The following ASXL2 variants were observed in gnomAD, a reference collection of about 807,000 sequenced individuals.
ASXL2 encodes putative Polycomb group protein ASXL2.
In ASXL2, 23 loss-of-function variants were observed where a neutral mutation model predicts 122.0. The observed-to-expected ratio is 0.19, with a 90% CI of 0.14 to 0.27. The LOEUF is 0.27. ASXL2 is among the 10% of genes least tolerant of loss of function. ASXL2 has a pLI of 1.00. For synonymous variants in ASXL2, 650 were observed against 637.0 expected (o/e 1.02, Z -0.31); for missense variants, 1,518 against 1,713.8 (o/e 0.89, Z 2.02).
At position 25,743,327 on chromosome 2, in the gene ASXL2, T is replaced by C. The variant is rs767005380; in HGVS notation, c.3010A>G (p.Arg1004Gly). 1.9e-6 allele frequency: 3 copies of C among 1,613,854 alleles called. No individual in the cohort carries two copies. The highest frequency in any genetic ancestry group is 2.2e-5 in the South Asian group (2 of 91,086). Residue 1004 changes from arginine to glycine, a missense_variant, in exon 13 of 13, where the codon AGA (arginine) becomes GGA (glycine). Around this residue, in one of 8 missense-constraint regions of ASXL2, gnomAD observed 831 missense variants for 833.1 expected, o/e 1.00. Coordinates refer to ENST00000435504, the MANE Select transcript of ASXL2 (RefSeq NM_018263.6). ...IATNTTENST[R>G]EEVNERQSHP... is the part of the protein sequence containing the mutation. ...GACTGTCTCTCATTAACTTCCTCTC[T>C]GGTGCTATTTTCTGTTGTGTTGGTA...
At position 25,743,033 on chromosome 2, in the gene ASXL2, T is replaced by G. The variant is rs757897641; in HGVS notation, c.3304A>C (p.Thr1102Pro). ...HSGFQLEDIS[T>P]SQRFMLGFAG... is the part of the protein sequence containing the mutation. ...AAACCCAGCATGAACCTCTGGCTTG[T>G]GGAGATGTCTTCCAGCTGGAAACCT... Residue 1102 changes from threonine to proline, a missense_variant, in exon 13 of 13, where the codon ACA (threonine) becomes CCA (proline). Coordinates refer to ENST00000435504, the MANE Select transcript of ASXL2 (RefSeq NM_018263.6). The G allele has an allele frequency of 6.2e-7, 1 of 1,613,962 alleles. No homozygotes were observed. Among genetic ancestry groups the G allele is most frequent in the East Asian group, 2.2e-5 (1 of 44,884 alleles).
chr2:25,856,772 A>G, intron 1 of ASXL2: 1 of 1,286,268 alleles, frequency 7.8e-7, no homozygotes, highest in Non-Finnish European at 1.1e-6. Flanking sequence ...CCTTCTTCTC[A>G]AAGGACTGGG....
intron 1 of ASXL2, among the ~76,000 whole-genome samples, chr2:25,875,915 T>C (rs1276864895): frequency 1.3e-5 from 2 of 152,250 alleles, no homozygotes; most frequent in Non-Finnish European, 2.9e-5. Flanking sequence ...TTCATTATTC[T>C]ACAGTCTGAA....
intron 2 of ASXL2, among the ~76,000 whole-genome samples, chr2:25,838,674 T>C (rs942776030): frequency 2.6e-5 from 4 of 152,198 alleles, no homozygotes; most frequent in African/African-American, 9.7e-5. Flanking sequence ...TGCTCTTTGT[T>C]TCTCTGCAAA....
intron 1 of ASXL2, chr2:25,856,648 C>T (rs989830776): frequency 1.2e-5 from 15 of 1,259,388 alleles, no homozygotes; most frequent in Middle Eastern, 1.9e-4. Context: ...TCAGTCTCCC[C>T]AGAGTGGTGG....
At chr2:25,759,676 TC>T in intron 8 of ASXL2, 31 bp from the exon 9 acceptor site, 1 of 1,591,478 alleles carries the variant, frequency 6.3e-7, no homozygotes, top group Non-Finnish European at 8.6e-7. Context: ...CGTTTGGGCC[TC>T]CCTCACAAGT....
At chr2:25,805,715 G>A (rs1435367943) in intron 4 of ASXL2, among the ~76,000 whole-genome samples, 10 of 151,608 alleles carry the variant, frequency 6.6e-5, no homozygotes, top group East Asian at 1.9e-4. Context: ...TCACTCTGTC[G>A]CCCAGGCTGG....
intron 3 of ASXL2, among the ~76,000 whole-genome samples, chr2:25,826,828 G>A (rs528755468): frequency 2.1e-5 from 3 of 143,710 alleles, no homozygotes; most frequent in South Asian, 2.2e-4. Context: ...ACTTCAAGTC[G>A]ATTTTATTTT....
intron 9 of ASXL2, among the ~76,000 whole-genome samples, chr2:25,757,832 T>C (rs2088164481): frequency 6.6e-6 from 1 of 151,634 alleles, no homozygotes; most frequent in East Asian, 1.9e-4. Context: ...CAAAAGATAG[T>C]TCTGAGGAAC....
At chr2:25,780,923 T>C (rs1316194135) in intron 5 of ASXL2, among the ~76,000 whole-genome samples, 1 of 151,718 alleles carries the variant, frequency 6.6e-6, no homozygotes, top group East Asian at 1.9e-4. Context: ...CCGTCTCTAC[T>C]AAAAATACAA....
intron 2 of ASXL2, among the ~76,000 whole-genome samples, chr2:25,843,538 A>G (rs774653207): frequency 5.9e-5 from 9 of 152,164 alleles, no homozygotes; most frequent in South Asian, 4.1e-4. Context: ...TTACTTTTTC[A>G]TACCAATGAA....
intron 4 of ASXL2, among the ~76,000 whole-genome samples, chr2:25,800,694 T>C (rs1234531834): frequency 6.6e-6 from 1 of 152,158 alleles, no homozygotes; most frequent in East Asian, 1.9e-4. Flanking sequence ...CCTCTCCTAA[T>C]TGTGCAGTTA....
intron 2 of ASXL2, among the ~76,000 whole-genome samples, chr2:25,842,790 GTGTA>G (rs372421341): frequency 0.31 from 34,473 of 111,974 alleles, 4,009 homozygotes; most frequent in African/African-American, 0.35. Flanking sequence ...GTGTGTGTGT[GTGTA>G]TATATATATA....
At chr2:25,825,916 GA>G (rs1038828340) in intron 3 of ASXL2, among the ~76,000 whole-genome samples, 5 of 152,272 alleles carry the variant, frequency 3.3e-5, no homozygotes, top group Admixed American at 6.5e-5. Flanking sequence ...ACAAAAATCA[GA>G]TAAGATATCG....
chr2:25,866,899 AT>A (rs888834950), intron 1 of ASXL2, among the ~76,000 whole-genome samples: 4 of 146,410 alleles, frequency 2.7e-5, no homozygotes, highest in Admixed American at 6.8e-5. Context: ...CGTCCAGCTA[AT>A]TTTTTTTTTA....
chr2:25,790,330 G>A (rs1405924999), intron 5 of ASXL2, among the ~76,000 whole-genome samples: 2 of 139,466 alleles, frequency 1.4e-5, no homozygotes, highest in Admixed American at 1.5e-4. Context: ...GTGGGGGTGG[G>A]GGGGGTGTGA....
intron 5 of ASXL2, among the ~76,000 whole-genome samples, chr2:25,790,425 A>G (rs1295279380): frequency 6.6e-6 from 1 of 151,544 alleles, no homozygotes. Context: ...CTTGGTTAAA[A>G]AAAAACATAA....
chr2:25,798,462 TA>T (rs1268775222), intron 5 of ASXL2, among the ~76,000 whole-genome samples: 3 of 152,072 alleles, frequency 2.0e-5, no homozygotes, highest in Non-Finnish European at 2.9e-5. Context: ...ATGGAAACAT[TA>T]AAAAATCAAT....
At chr2:25,833,615 G>C (rs1280195696) in intron 3 of ASXL2, among the ~76,000 whole-genome samples, 1 of 151,990 alleles carries the variant, frequency 6.6e-6, no homozygotes, top group East Asian at 1.9e-4. Context: ...AAAATTGTTT[G>C]AACTCAGGAG....
Sources: gnomAD v4.1 joint callset for allele counts (sites outside exome capture counted in the v4.1 genomes callset) on GRCh38, gnomAD v4.1.1 for gene constraint, gnomAD v4.1.1 regional missense constraint, MANE v1.5 for transcripts, NCBI Gene and HGNC (gene_info 2026-07-23, HGNC 2026-07-21) for gene names.